The following EPM2A variants were observed in gnomAD, a reference collection of about 807,000 sequenced individuals.
EPM2A encodes the protein EPM2A glucan phosphatase, laforin.
A neutral mutation model predicts 26.5 loss-of-function variants in EPM2A; 21 were observed. The ratio of observed to expected loss-of-function variants is 0.79; its 90% confidence interval spans 0.56 to 1.14. The LOEUF (loss-of-function observed/expected upper bound fraction) is 1.14, where lower values mean the gene tolerates loss of function less well. Ranked by LOEUF, EPM2A falls within the 50% of genes most tolerant of loss-of-function variation. The probability of loss-of-function intolerance (pLI) is 0.00; values close to 1 mark genes in which losing one functional copy is unlikely to be tolerated. For synonymous variants in EPM2A, 217 were observed against 177.6 expected (o/e 1.22, Z -1.76); for missense variants, 458 against 440.8 (o/e 1.04, Z -0.35).
At chr6:145,667,477 AC>A (rs1211774586) in intron 2 of EPM2A, among the ~76,000 whole-genome samples, 1 of 149,194 alleles carries the variant, frequency 6.7e-6, no homozygotes, top group Non-Finnish European at 1.5e-5. Context: ...ATTATCTCAC[AC>A]CAGTTAGAAT....
At chr6:145,705,190 T>C (rs1290824857) in intron 1 of EPM2A, among the ~76,000 whole-genome samples, 1 of 152,292 alleles carries the variant, frequency 6.6e-6, no homozygotes, top group African/African-American at 2.4e-5. Flanking sequence ...GGCTCACGCC[T>C]GTAATCCCAG....
chr6:145,444,476 C>T (rs1036822203), intron 4 of EPM2A, among the ~76,000 whole-genome samples: 2 of 152,150 alleles, frequency 1.3e-5, no homozygotes, highest in African/African-American at 2.4e-5. Context: ...TGCTGCTGTA[C>T]TCAGTTTGCT....
chr6:145,651,533 C>A (rs764644196), intron 2 of EPM2A, among the ~76,000 whole-genome samples: 8 of 152,168 alleles, frequency 5.3e-5, no homozygotes, highest in Non-Finnish European at 7.3e-5. Flanking sequence ...TACTTAGCAA[C>A]GCACAGTGTT....
intron 2 of EPM2A, among the ~76,000 whole-genome samples, chr6:145,614,510 C>T (rs1329994354): frequency 3.3e-5 from 5 of 152,238 alleles, no homozygotes; most frequent in Non-Finnish European, 4.4e-5. Context: ...AAATGTCTTC[C>T]TCACTAAGCT....
chr6:145,517,045 T>C (rs1488933887), intron 2 of EPM2A, among the ~76,000 whole-genome samples: 6 of 152,180 alleles, frequency 3.9e-5, no homozygotes, highest in African/African-American at 1.4e-4. Context: ...TCCTGCCATA[T>C]GTGACATGAA....
Position 145,613,966 on chromosome 6 carries a change from C to A in EPM2A, c.340+21279G>T, listed in dbSNP as rs140955641. 5.9e-5 allele frequency among the ~76,000 whole-genome samples: 9 copies of A among 152,302 alleles called. No homozygotes were observed. The East Asian group carries it at 1.5e-3, about 26-fold the overall frequency. Reference sequence around the variant, plus strand: ...CAAACTGTCCTTTAAAGATTTGAAGCCAGGCATTGACATCTCCTCTTTAGC... The same window carrying A: ...CAAACTGTCCTTTAAAGATTTGAAGACAGGCATTGACATCTCCTCTTTAGC... On this transcript the variant is annotated intron_variant, in intron 2 of 3. Coordinates refer to the EPM2A transcript ENST00000450221.
At chr6:145,444,730 G>A (rs1036853569) in intron 4 of EPM2A, among the ~76,000 whole-genome samples, 2 of 152,040 alleles carry the variant, frequency 1.3e-5, no homozygotes, top group South Asian at 2.1e-4. Context: ...GCATTAGCAC[G>A]CTATCTTATT....
At chr6:145,412,311 C>T (rs1778655047) in intron 4 of EPM2A, among the ~76,000 whole-genome samples, 1 of 151,642 alleles carries the variant, frequency 6.6e-6, no homozygotes, top group Non-Finnish European at 1.5e-5. Context: ...TAAATAACTA[C>T]ATAGTTGAAT....
intron 4 of EPM2A, among the ~76,000 whole-genome samples, chr6:145,425,243 G>A (rs6917753): frequency 0.053 from 7,966 of 151,628 alleles, 716 homozygotes; most frequent in African/African-American, 0.18. Flanking sequence ...GCGTGATCTC[G>A]GCTCACTGCA....
At chr6:145,408,672 G>A (rs2114673101) in intron 4 of EPM2A, among the ~76,000 whole-genome samples, 1 of 152,176 alleles carries the variant, frequency 6.6e-6, no homozygotes, top group South Asian at 2.1e-4. Flanking sequence ...ACAGCAAATG[G>A]GACAATGTGG....
intron 4 of EPM2A, among the ~76,000 whole-genome samples, chr6:145,417,591 C>T (rs1778726090): frequency 6.6e-6 from 1 of 152,172 alleles, no homozygotes; most frequent in African/African-American, 2.4e-5. Flanking sequence ...TAATTTGACT[C>T]TAGGTATAAC....
intron 2 of EPM2A, among the ~76,000 whole-genome samples, chr6:145,568,080 T>C (rs897340336): frequency 3.9e-5 from 6 of 152,212 alleles, no homozygotes; most frequent in Non-Finnish European, 8.8e-5. Flanking sequence ...ATGTCATTTA[T>C]GTTAACTAAA....
chr6:145,536,470 AT>A (rs540924719), intron 2 of EPM2A, among the ~76,000 whole-genome samples: 1 of 151,630 alleles, frequency 6.6e-6, no homozygotes, highest in African/African-American at 2.4e-5. Flanking sequence ...TAATTTTTGT[AT>A]TTTTTAGTAG....
chr6:145,669,990 C>G (rs1405978872), intron 2 of EPM2A, among the ~76,000 whole-genome samples: 1 of 152,144 alleles, frequency 6.6e-6, no homozygotes, highest in Non-Finnish European at 1.5e-5. Context: ...GCTGATTCAA[C>G]CTACTGGATC....
chr6:145,520,145 T>C (rs1163575933), intron 2 of EPM2A, among the ~76,000 whole-genome samples: 1 of 152,240 alleles, frequency 6.6e-6, no homozygotes, highest in South Asian at 2.1e-4. Context: ...ATCCATCTTT[T>C]GTGAAAACAA....
chr6:145,631,775 A>C (rs1776267923), intron 3 of EPM2A: 1 of 152,108 alleles, frequency 6.6e-6, no homozygotes, highest in Non-Finnish European at 1.5e-5. Flanking sequence ...GAGATAAAAG[A>C]GAGGGGTCAA....
intron 4 of EPM2A, among the ~76,000 whole-genome samples, chr6:145,408,233 C>T (rs771840356): frequency 3.9e-5 from 6 of 152,152 alleles, no homozygotes; most frequent in Non-Finnish European, 8.8e-5. Flanking sequence ...TGTCCACCCT[C>T]AGTTAATTAT....
chr6:145,472,047 T>C (rs1160820144), intron 4 of EPM2A, among the ~76,000 whole-genome samples: 1 of 150,874 alleles, frequency 6.6e-6, no homozygotes, highest in African/African-American at 2.4e-5. Context: ...GGGAGGACTT[T>C]GTCTTGCATC....
exon 5 of EPM2A, chr6:145,383,819 T>C (rs183620221): frequency 1.3e-5 from 2 of 152,334 alleles, no homozygotes; most frequent in East Asian, 3.9e-4. Flanking sequence ...CATAGAAACA[T>C]ATGAATACAT....
Sources: gnomAD v4.1 joint callset for allele counts (sites outside exome capture counted in the v4.1 genomes callset) on GRCh38, gnomAD v4.1.1 for gene constraint, MANE v1.5 for transcripts, NCBI Gene and HGNC (gene_info 2026-07-23, HGNC 2026-07-21) for gene names.